Variants in DACH2 observed in about 807,000 individuals in gnomAD.
DACH2 encodes dachshund family transcription factor 2.
Under a neutral mutation model 35.8 loss-of-function variants are expected in DACH2, and 17 were observed. The observed-to-expected ratio is 0.48, with a 90% CI of 0.33 to 0.71. DACH2 has a LOEUF of 0.71. Ranked by LOEUF, DACH2 falls within the 30% of genes least tolerant of loss-of-function variation. DACH2 has a pLI of 0.02. For missense variants in DACH2, 469 were observed against 472.7 expected (o/e 0.99, Z 0.07); for synonymous variants, 195 against 177.3 (o/e 1.10, Z -0.79).
chrX:86,607,055 T>C (rs2039868237), intron 3 of DACH2, among the ~76,000 whole-genome samples: 1 of 111,894 alleles, frequency 8.9e-6, no homozygotes, highest in African/African-American at 3.2e-5. Context: ...GATATCTTTT[T>C]ATTTTTAGTC....
At chrX:86,818,747 G>A (rs1035387580) in intron 11 of DACH2, among the ~76,000 whole-genome samples, 1 of 110,017 alleles carries the variant, frequency 9.1e-6, no homozygotes, top group African/African-American at 3.3e-5. Context: ...CATCAGTAAA[G>A]TTCTTTCTCT....
At chrX:86,445,566 CAAAA>C (rs34980646) in intron 2 of DACH2, among the ~76,000 whole-genome samples, 2 of 48,102 alleles carry the variant, frequency 4.2e-5, no homozygotes. Flanking sequence ...TCAGAGTGAA[CAAAA>C]AAAAAAAAAA....
intron 3 of DACH2, among the ~76,000 whole-genome samples, chrX:86,579,727 T>C (rs1182461307): frequency 1.8e-5 from 2 of 112,558 alleles, no homozygotes; most frequent in Non-Finnish European, 3.7e-5. Flanking sequence ...AGATATATTT[T>C]ATATTTTGCA....
intron 3 of DACH2, among the ~76,000 whole-genome samples, chrX:86,579,096 GTT>G (rs770568711): frequency 9.8e-6 from 1 of 102,439 alleles, no homozygotes. Context: ...TCACTTTTTA[GTT>G]TTTTTTTTTT....
In DACH2 at chrX:86,816,417, T is replaced by A. The variant is rs2042452888; in HGVS notation, c.1750+318T>A. On this transcript the variant is annotated intron_variant, in intron 11 of 11. Coordinates refer to ENST00000373125, the MANE Select transcript of DACH2 (RefSeq NM_053281.3). ...CAGGCATATTCTAAAAATGCATAAA[T>A]GTGAATGTAATTTATCTTTTAAAAG... Among the ~76,000 whole-genome samples the A allele has an allele frequency of 2.7e-5, 3 of 111,940 alleles. No homozygotes were observed. The South Asian group carries it at 1.1e-3, about 41-fold the overall frequency.
intron 2 of DACH2, among the ~76,000 whole-genome samples, chrX:86,391,650 C>A (rs189648789): frequency 1.8e-5 from 2 of 111,188 alleles, no homozygotes; most frequent in Non-Finnish European, 3.8e-5. Context: ...TTACGAACAT[C>A]ACATAACCAA....
intron 2 of DACH2, among the ~76,000 whole-genome samples, chrX:86,409,850 C>T (rs975249613): frequency 5.4e-5 from 6 of 112,100 alleles, no homozygotes; most frequent in African/African-American, 9.7e-5. Context: ...TTGTTAAATG[C>T]CATCTGTCCA....
intron 7 of DACH2, among the ~76,000 whole-genome samples, chrX:86,758,122 T>C (rs1432679790): frequency 8.9e-6 from 1 of 111,926 alleles, no homozygotes; most frequent in East Asian, 2.8e-4. Context: ...TTCTCACTTT[T>C]ATTTTGTTTC....
At chrX:86,406,431 A>G (rs1409408412) in intron 2 of DACH2, among the ~76,000 whole-genome samples, 1 of 111,978 alleles carries the variant, frequency 8.9e-6, no homozygotes, top group Admixed American at 9.5e-5. Flanking sequence ...CTTGAGTACT[A>G]TGTCCACTAC....
intron 2 of DACH2, among the ~76,000 whole-genome samples, chrX:86,437,962 C>A (rs188165863): frequency 2.8e-5 from 3 of 108,987 alleles, no homozygotes; most frequent in Admixed American, 9.8e-5. Flanking sequence ...GTTTGTTGTA[C>A]GGATTATTTT....
chrX:86,342,197 C>G (rs1248177348), intron 1 of DACH2, among the ~76,000 whole-genome samples: 1 of 111,238 alleles, frequency 9.0e-6, no homozygotes. Flanking sequence ...TCGCTGTTGT[C>G]TTATTTTAAG....
rs762434889 is a variant in DACH2, at chrX:86,502,397, C to T, written c.528-11882C>T. ...TTCAGCCTACCCCATTGATGGACTT[C>T]AATTGCCCAAAATATTTTAGAACTT... On this transcript the variant is annotated intron_variant, in intron 2 of 11. Transcript: ENST00000373125. Among the ~76,000 whole-genome samples, 3 of 111,867 alleles carry T rather than the reference C, an allele frequency of 2.7e-5. No individual in the cohort carries two copies. The Admixed American group carries it at 2.9e-4, about 11-fold the overall frequency.
intron 1 of DACH2, among the ~76,000 whole-genome samples, chrX:86,361,644 C>G (rs2035741021): frequency 9.0e-6 from 1 of 111,461 alleles, no homozygotes; most frequent in Non-Finnish European, 1.9e-5. Flanking sequence ...CATTTTTATT[C>G]AAACAGTATA....
intron 3 of DACH2, among the ~76,000 whole-genome samples, chrX:86,606,094 TG>T (rs1272268051): frequency 1.8e-5 from 2 of 111,151 alleles, no homozygotes; most frequent in Non-Finnish European, 3.8e-5. Context: ...CTTTACTGTG[TG>T]TCTTATAATG....
intron 2 of DACH2, among the ~76,000 whole-genome samples, chrX:86,413,992 C>T (rs1364018390): frequency 9.0e-6 from 1 of 111,582 alleles, no homozygotes; most frequent in Non-Finnish European, 1.9e-5. Context: ...TTCCCTTTTC[C>T]CAATGCACAG....
intron 3 of DACH2, among the ~76,000 whole-genome samples, chrX:86,641,381 A>G (rs1426940846): frequency 3.6e-5 from 4 of 112,185 alleles, no homozygotes; most frequent in African/African-American, 1.3e-4. Context: ...GTTCTCTGAA[A>G]TAAGACAGTC....
At chrX:86,430,798 G>A (rs1454376844) in intron 2 of DACH2, among the ~76,000 whole-genome samples, 1 of 112,221 alleles carries the variant, frequency 8.9e-6, no homozygotes, top group Admixed American at 9.5e-5. Flanking sequence ...AAGATGCAGT[G>A]TGCTCACGTA....
At chrX:86,486,207 A>G (rs2148240345) in intron 2 of DACH2, among the ~76,000 whole-genome samples, 1 of 111,303 alleles carries the variant, frequency 9.0e-6, no homozygotes, top group South Asian at 3.7e-4. Flanking sequence ...TCTACCATGT[A>G]TACTCTCCCT....
chrX:86,608,474 C>T (rs996205562), intron 3 of DACH2, among the ~76,000 whole-genome samples: 1 of 112,039 alleles, frequency 8.9e-6, no homozygotes, highest in Non-Finnish European at 1.9e-5. Flanking sequence ...GAGTAGTTGA[C>T]ATACCACAGT....
Sources: gnomAD v4.1 joint callset for allele counts (sites outside exome capture counted in the v4.1 genomes callset) on GRCh38, gnomAD v4.1.1 for gene constraint, MANE v1.5 for transcripts, NCBI Gene and HGNC (gene_info 2026-07-23, HGNC 2026-07-21) for gene names.